NLGN1: variants seen among roughly 807,000 people sequenced by gnomAD.
NLGN1 encodes the protein neuroligin 1.
NLGN1 carries 12 observed loss-of-function variants against 65.5 expected under a neutral mutation model. The observed-to-expected ratio is 0.18, with a 90% CI of 0.12 to 0.30. The LOEUF (loss-of-function observed/expected upper bound fraction) is 0.30. NLGN1 is among the 10% of genes least tolerant of loss of function. The pLI is 1.00. For missense variants in NLGN1, 750 were observed against 1,007.1 expected (o/e 0.74, Z 3.46); for synonymous variants, 350 against 359.5 (o/e 0.97, Z 0.30).
At chr3:173,700,428 G>A (rs947195123) in intron 3 of NLGN1, among the ~76,000 whole-genome samples, 1 of 152,160 alleles carries the variant, frequency 6.6e-6, no homozygotes, top group African/African-American at 2.4e-5. Flanking sequence ...TTACTGTAAT[G>A]TACTTTGTAC....
intron 2 of NLGN1, among the ~76,000 whole-genome samples, chr3:173,592,674 A>G (rs1017367611): frequency 6.6e-6 from 1 of 152,320 alleles, no homozygotes; most frequent in African/African-American, 2.4e-5. Flanking sequence ...TAGTATAATG[A>G]ATTAATGGGT....
chr3:173,749,986 G>A (rs767076422), intron 3 of NLGN1, among the ~76,000 whole-genome samples: 1 of 152,104 alleles, frequency 6.6e-6, no homozygotes, highest in Non-Finnish European at 1.5e-5. Flanking sequence ...AAGTAAAAGT[G>A]TGATGAAGTT....
intron 3 of NLGN1, among the ~76,000 whole-genome samples, chr3:173,609,944 G>T (rs1379570208): frequency 3.9e-5 from 6 of 151,952 alleles, no homozygotes; most frequent in Non-Finnish European, 8.8e-5. Context: ...GATATTTAAG[G>T]AACAATTAGG....
intron 2 of NLGN1, among the ~76,000 whole-genome samples, chr3:173,514,884 A>G (rs759929062): frequency 6.6e-6 from 1 of 152,194 alleles, no homozygotes; most frequent in Non-Finnish European, 1.5e-5. Context: ...GCATATACCA[A>G]AGTAAATTTT....
intron 4 of NLGN1, among the ~76,000 whole-genome samples, chr3:174,073,717 A>G (rs1163540766): frequency 2.0e-5 from 3 of 152,174 alleles, no homozygotes; most frequent in Non-Finnish European, 4.4e-5. Context: ...CGGTGATATC[A>G]CCAAAACTTC....
intron 4 of NLGN1, among the ~76,000 whole-genome samples, chr3:173,939,571 A>G (rs1745643532): frequency 6.6e-6 from 1 of 152,212 alleles, no homozygotes; most frequent in Non-Finnish European, 1.5e-5. Context: ...CAGTCTGTAT[A>G]TGTGTGATAG....
At chr3:173,552,986 C>T (rs1233259350) in intron 2 of NLGN1, among the ~76,000 whole-genome samples, 4 of 152,136 alleles carry the variant, frequency 2.6e-5, no homozygotes, top group Non-Finnish European at 5.9e-5. Context: ...AATATGTTCT[C>T]TCTGTCCCTG....
At chr3:173,604,575 C>T (rs760865387) in exon 3 of NLGN1, 172 of 1,609,708 alleles carry the variant, frequency 1.1e-4, no homozygotes, top group Admixed American at 8.4e-5. Context: ...TGTAACCAGA[C>T]AACTAGACAA....
chr3:174,071,216 C>T (rs1295220063), intron 4 of NLGN1, among the ~76,000 whole-genome samples: 3 of 152,044 alleles, frequency 2.0e-5, no homozygotes, highest in Non-Finnish European at 2.9e-5. Flanking sequence ...AGCATTTATT[C>T]AGAATTTTAT....
intron 4 of NLGN1, among the ~76,000 whole-genome samples, chr3:173,945,112 T>C (rs1278540215): frequency 1.3e-5 from 2 of 151,922 alleles, no homozygotes; most frequent in African/African-American, 2.4e-5. Flanking sequence ...GTCAATAACA[T>C]GGTTTGATAG....
chr3:173,568,129 T>TTTCCTTCC (rs576675821), intron 2 of NLGN1, among the ~76,000 whole-genome samples: 6 of 151,654 alleles, frequency 4.0e-5, no homozygotes, highest in Admixed American at 4.0e-4. Flanking sequence ...GTACAATAGA[T>TTTCCTTCC]TTCCTTCCTT....
chr3:173,506,513 CA>C (rs1732061428), intron 2 of NLGN1, among the ~76,000 whole-genome samples: 1 of 151,932 alleles, frequency 6.6e-6, no homozygotes, highest in South Asian at 2.1e-4. Flanking sequence ...ACAGAAAACA[CA>C]AATATTTCAT....
At chr3:173,517,839 A>G (rs1734103973) in intron 2 of NLGN1, among the ~76,000 whole-genome samples, 1 of 151,780 alleles carries the variant, frequency 6.6e-6, no homozygotes, top group African/African-American at 2.4e-5. Flanking sequence ...GTGGTAATAT[A>G]GCATGCCCTA....
intron 4 of NLGN1, among the ~76,000 whole-genome samples, chr3:173,879,433 T>A (rs573740152): frequency 5.1e-4 from 77 of 152,292 alleles, no homozygotes; most frequent in Non-Finnish European, 9.3e-4. Context: ...TTTTCAGTTC[T>A]AAAAGATTCA....
chr3:173,951,519 G>A (rs1341724962), intron 4 of NLGN1, among the ~76,000 whole-genome samples: 23 of 150,654 alleles, frequency 1.5e-4, no homozygotes, highest in African/African-American at 5.6e-4. Context: ...CTGGAGTGCA[G>A]TGGTGCGATC....
At chr3:174,033,254 G>A (rs539589209) in intron 4 of NLGN1, among the ~76,000 whole-genome samples, 3 of 152,076 alleles carry the variant, frequency 2.0e-5, no homozygotes, top group Non-Finnish European at 4.4e-5. Flanking sequence ...ATAAAACAAG[G>A]ACAAAGGAAT....
chr3:174,172,833 G>C (rs1728790923), intron 4 of NLGN1, among the ~76,000 whole-genome samples: 3 of 151,980 alleles, frequency 2.0e-5, no homozygotes, highest in Admixed American at 2.0e-4. Flanking sequence ...TTGTATAACT[G>C]TTTTTTCTAT....
At chr3:174,061,845 T>G (rs924863655) in intron 4 of NLGN1, among the ~76,000 whole-genome samples, 7 of 152,138 alleles carry the variant, frequency 4.6e-5, no homozygotes, top group African/African-American at 1.7e-4. Context: ...AATGGGACTC[T>G]AGAAATTATG....
intron 2 of NLGN1, among the ~76,000 whole-genome samples, chr3:173,588,775 A>G (rs531517173): frequency 6.6e-6 from 1 of 152,240 alleles, no homozygotes; most frequent in South Asian, 2.1e-4. Flanking sequence ...GTGAAACCTT[A>G]TGGGCCTTGC....
Sources: allele counts gnomAD v4.1 joint callset (sites outside exome capture counted in the v4.1 genomes callset), GRCh38; gene constraint gnomAD v4.1.1; transcripts MANE v1.5; gene names NCBI Gene and HGNC (gene_info 2026-07-23, HGNC 2026-07-21).